KIAA1958: variants seen among roughly 807,000 people sequenced by gnomAD.
The protein encoded by KIAA1958 is uncharacterized protein KIAA1958.
KIAA1958 carries 14 observed loss-of-function variants against 47.2 expected under a neutral mutation model. That is an observed-to-expected ratio of 0.30 (90% confidence interval 0.20 to 0.46). The LOEUF is 0.46. Ranked by LOEUF, KIAA1958 falls within the 20% of genes least tolerant of loss-of-function variation. The probability of loss-of-function intolerance (pLI) is 1.00; values close to 1 mark genes in which losing one functional copy is unlikely to be tolerated. For synonymous variants in KIAA1958, 354 were observed against 353.3 expected, an observed-to-expected ratio of 1.00 and a Z score of -0.02; for missense variants, 803 against 909.2, an observed-to-expected ratio of 0.88 and a Z score of 1.50.
At chr9:112,650,040 T>G (rs969779886) in intron 3 of KIAA1958, among the ~76,000 whole-genome samples, 8 of 151,734 alleles carry the variant, frequency 5.3e-5, no homozygotes, top group African/African-American at 1.9e-4. Context: ...GTAAAAATAT[T>G]AAATTGATAC....
chr9:112,640,453 A>G (rs1836873245), intron 2 of KIAA1958, among the ~76,000 whole-genome samples: 1 of 152,068 alleles, frequency 6.6e-6, no homozygotes, highest in Non-Finnish European at 1.5e-5. Context: ...TCTGGAAGGA[A>G]AATTATATGC....
chr9:112,625,778 T>A (rs905553533), intron 2 of KIAA1958, among the ~76,000 whole-genome samples: 21 of 152,210 alleles, frequency 1.4e-4, no homozygotes, highest in African/African-American at 4.8e-4. Context: ...TTTTAGCAAC[T>A]TTTCTTTTTG....
In KIAA1958 at chr9:112,668,217, G is replaced by C. The variant is rs534990840; in HGVS notation, c.*8148G>C. 7.7e-4 allele frequency: 118 copies of C among 152,266 alleles called. 1 individual carries two copies. Among genetic ancestry groups the C allele is most frequent in the African/African-American group, 2.6e-3 (110 of 41,556 alleles). The allele number at this position is 152,266 out of a possible 1,614,324, so 9.4% of individuals were successfully genotyped here. A position where few individuals can be genotyped will look rare whatever the true frequency, so the allele number is the denominator to read the frequency against. ...AGAGCTTATAGACTGAAGCCCATGT[G>C]CTTCTCCATGCTCAAACGCAGAACT... On this transcript the variant is annotated 3_prime_UTR_variant, in exon 4 of 4. Transcript: ENST00000337530.
At chr9:112,601,622 C>T (rs1351952882) in intron 2 of KIAA1958, among the ~76,000 whole-genome samples, 4 of 152,124 alleles carry the variant, frequency 2.6e-5, no homozygotes, top group Non-Finnish European at 2.9e-5. Flanking sequence ...CCTTGCAGCA[C>T]GCACAGTGCC....
Position 112,664,949 on chromosome 9 carries a change from T to C in KIAA1958, c.*4880T>C, listed in dbSNP as rs1450416610. The C allele has an allele frequency of 6.6e-6, 1 of 152,226 alleles. No homozygotes were observed. The highest frequency in any genetic ancestry group is 1.5e-5 in the Non-Finnish European group (1 of 68,038). 9.4% of individuals were successfully genotyped at this position (152,226 alleles called of 1,614,324 possible). ...TTATTATTATGATTTTGAATATTCC[T>C]TGTTCATTACAGTCCAGAAAATCTG... On this transcript the variant is annotated 3_prime_UTR_variant, in exon 4 of 4. Transcript: ENST00000337530.
chr9:112,618,427 G>A lies in KIAA1958; in HGVS notation c.1172-27223G>A, dbSNP rs1836442227. 4.5e-6 allele frequency: 7 copies of A among 1,551,240 alleles called. No homozygotes were observed. Among genetic ancestry groups the A allele is most frequent in the Non-Finnish European group, 6.1e-6 (7 of 1,147,140 alleles). On this transcript the variant is annotated intron_variant, in intron 2 of 3. Transcript: ENST00000337530. This position sits in a 1 kb window ranked among gnomAD's most constrained non-coding sequence, Gnocchi z 7.1. ...GTGATATCCGGCTCCGGGTAACAGA[G>A]ACGGGTCTCGAGTACTTGGAGTGGA...
At chr9:112,502,398 TTTTTAAACATTAAATGTGTTTAAAACTC>T (rs1834158223) in intron 1 of KIAA1958, among the ~76,000 whole-genome samples, 1 of 151,286 alleles carries the variant, frequency 6.6e-6, no homozygotes, top group Non-Finnish European at 1.5e-5. Flanking sequence ...AGCTTTAATG[TTTTTAAACATTAAATGTGTTTAAAACTC>T]ATAAATGCTG....
intron 1 of KIAA1958, among the ~76,000 whole-genome samples, chr9:112,552,489 G>A (rs1835168160): frequency 6.6e-6 from 1 of 152,220 alleles, no homozygotes; most frequent in South Asian, 2.1e-4. Context: ...CTGTGCCAGG[G>A]AGGGTCATTA....
At chr9:112,565,072 A>C (rs537517371) in intron 1 of KIAA1958, among the ~76,000 whole-genome samples, 1 of 152,230 alleles carries the variant, frequency 6.6e-6, no homozygotes, top group Non-Finnish European at 1.5e-5. Context: ...TTATTGTTCT[A>C]CTGAAACCTA....
At chr9:112,558,098 G>A (rs1012575133) in intron 1 of KIAA1958, among the ~76,000 whole-genome samples, 1 of 151,920 alleles carries the variant, frequency 6.6e-6, no homozygotes, top group Non-Finnish European at 1.5e-5. Flanking sequence ...CGTGGTGCGC[G>A]CCTGTAGTCC....
At position 112,659,315 on chromosome 9, in the gene KIAA1958, A is replaced by G. The variant is rs758496871; in HGVS notation, c.1397A>G (p.Lys466Arg). The change falls in exon 4 of 4, where the codon AAG becomes AGG. Residue 466 changes from lysine (K) to arginine (R), a missense_variant. Lys to Arg is a conservative substitution (Grantham distance 26, BLOSUM62 2). Coordinates refer to ENST00000337530, the MANE Select transcript of KIAA1958 (RefSeq NM_133465.4). The part of the protein sequence containing the change: ...ELLENFYVTV[K>R]KSDGSDFLAT... ...CTCGAGAACTTTTATGTCACCGTCA[A>G]GAAGAGCGACGGCTCGGACTTCCTG... 4 of 1,613,942 alleles carry G rather than the reference A, an allele frequency of 2.5e-6. No individual in the cohort carries two copies. In the African/African-American group the frequency reaches 5.3e-5, roughly 22 times the overall value.
At chr9:112,582,962 A>T (rs983873211) in intron 2 of KIAA1958, among the ~76,000 whole-genome samples, 20 of 152,332 alleles carry the variant, frequency 1.3e-4, no homozygotes, top group Admixed American at 4.6e-4. Context: ...GCAGAATCTC[A>T]GGCTCCACAA....
chr9:112,530,121 G>A (rs1308502402), intron 1 of KIAA1958, among the ~76,000 whole-genome samples: 1 of 152,218 alleles, frequency 6.6e-6, no homozygotes, highest in Non-Finnish European at 1.5e-5. Context: ...GGGATTACAG[G>A]CGTGAGCCAC....
At chr9:112,528,121 C>T (rs553849621) in intron 1 of KIAA1958, among the ~76,000 whole-genome samples, 1 of 152,192 alleles carries the variant, frequency 6.6e-6, no homozygotes, top group African/African-American at 2.4e-5. Flanking sequence ...GATCATTCTG[C>T]CTAATCCCTG....
intron 2 of KIAA1958, among the ~76,000 whole-genome samples, chr9:112,579,565 T>C (rs537255595): frequency 6.6e-6 from 1 of 152,128 alleles, no homozygotes; most frequent in Non-Finnish European, 1.5e-5. Context: ...TTGGGTCTCT[T>C]TCTTGTTTTC....
chr9:112,542,695 C>G (rs1404768690), intron 1 of KIAA1958, among the ~76,000 whole-genome samples: 2 of 152,194 alleles, frequency 1.3e-5, no homozygotes, highest in Non-Finnish European at 2.9e-5. Context: ...AGCCCTCTCT[C>G]TCTGCATGAG....
chr9:112,601,836 T>C (rs1248077028), intron 2 of KIAA1958, among the ~76,000 whole-genome samples: 3 of 152,224 alleles, frequency 2.0e-5, no homozygotes, highest in African/African-American at 7.2e-5. Flanking sequence ...AATGAGCAGA[T>C]GACTAATGTT....
chr9:112,508,397 T>G (rs930841064), intron 1 of KIAA1958, among the ~76,000 whole-genome samples: 52 of 152,212 alleles, frequency 3.4e-4, no homozygotes, highest in African/African-American at 1.2e-3. Flanking sequence ...AAGCTTAAAT[T>G]CTCATTCTAT....
intron 1 of KIAA1958, among the ~76,000 whole-genome samples, chr9:112,535,483 T>A (rs1834838471): frequency 6.6e-6 from 1 of 152,192 alleles, no homozygotes; most frequent in African/African-American, 2.4e-5. Flanking sequence ...TTCATTCATC[T>A]GTTGATGCAC....
Sources: gnomAD v4.1 joint callset for allele counts (sites outside exome capture counted in the v4.1 genomes callset) on GRCh38, gnomAD v4.1.1 for gene constraint, Gnocchi (gnomAD v3.1) non-coding constraint, MANE v1.5 for transcripts, NCBI Gene and HGNC (gene_info 2026-07-23, HGNC 2026-07-21) for gene names.